SOS2: variants seen among roughly 807,000 people sequenced by gnomAD.
SOS2 encodes the protein son of sevenless homolog 2.
In SOS2, 65 loss-of-function variants were observed where a neutral mutation model predicts 148.2. The ratio of observed to expected loss-of-function variants is 0.44; its 90% CI spans 0.36 to 0.54. The LOEUF is 0.54. SOS2 is among the 20% of genes least tolerant of loss of function. The pLI, the probability that SOS2 is intolerant of heterozygous loss-of-function variation, is 0.00. For synonymous variants in SOS2, 539 were observed against 537.1 expected (o/e 1.00, Z -0.05); for missense variants, 1,341 against 1,590.2 (o/e 0.84, Z 2.67).
intron 1 of SOS2, among the ~76,000 whole-genome samples, chr14:50,213,939 G>GT (rs1354884980): frequency 6.7e-6 from 1 of 149,848 alleles, no homozygotes; most frequent in Non-Finnish European, 1.5e-5. Flanking sequence ...CTTACCCTCC[G>GT]TGGTAGGAAG....
intron 8 of SOS2, among the ~76,000 whole-genome samples, chr14:50,171,267 C>G (rs1197330633): frequency 6.6e-6 from 1 of 152,098 alleles, no homozygotes; most frequent in African/African-American, 2.4e-5. Context: ...GATAACATTA[C>G]CATACGATCC....
chr14:50,146,414 C>T (rs1054280509), intron 14 of SOS2, among the ~76,000 whole-genome samples: 9 of 152,072 alleles, frequency 5.9e-5, no homozygotes, highest in Admixed American at 3.3e-4. Flanking sequence ...GAGGCTGAGG[C>T]GGGCAGATCA....
chr14:50,145,442 C>T, intron 15 of SOS2, 35 bp downstream of exon 15: 1 of 1,584,684 alleles, frequency 6.3e-7, no homozygotes. Context: ...AATATTATGG[C>T]TATTAGGAGG....
intron 18 of SOS2, among the ~76,000 whole-genome samples, chr14:50,136,971 A>G (rs1884102199): frequency 6.6e-6 from 1 of 152,136 alleles, no homozygotes; most frequent in African/African-American, 2.4e-5. Context: ...GGAACAAAGA[A>G]GTTTCTATCT....
At chr14:50,216,221 C>A (rs1410309364) in intron 1 of SOS2, among the ~76,000 whole-genome samples, 3 of 151,658 alleles carry the variant, frequency 2.0e-5, no homozygotes, top group African/African-American at 7.3e-5. Flanking sequence ...CTCAGCCTCC[C>A]AAGTAGCTGG....
chr14:50,157,956 T>C (rs1247815214), intron 11 of SOS2, among the ~76,000 whole-genome samples: 1 of 152,158 alleles, frequency 6.6e-6, no homozygotes, highest in Non-Finnish European at 1.5e-5. Context: ...AATAATGATA[T>C]CTGATTATTA....
chr14:50,215,115 C>T (rs908302794), intron 1 of SOS2, among the ~76,000 whole-genome samples: 4 of 151,918 alleles, frequency 2.6e-5, no homozygotes, highest in African/African-American at 7.3e-5. Flanking sequence ...GGATTACAGG[C>T]GTGAGCCACC....
At chr14:50,158,696 AATT>A (rs781593878) in intron 10 of SOS2, 50 bp from the exon 11 acceptor site, 10 of 1,186,396 alleles carry the variant, frequency 8.4e-6, no homozygotes, top group Non-Finnish European at 1.2e-5. Context: ...TATTCAGTTT[AATT>A]AACTCAAAGT....
Position 50,118,709 on chromosome 14 carries a change from G to C in SOS2, c.3634C>G (p.Leu1212Val). 2 of 1,613,900 alleles carry C rather than the reference G, an allele frequency of 1.2e-6. No homozygotes were observed. The highest frequency in any genetic ancestry group is 1.7e-6 in the Non-Finnish European group (2 of 1,179,986). The stretch of plus-strand genomic sequence containing the variant: ...GGAACTGGTGGAGGGGTATCAGGAA[G>C]AGGATCTCTTGGTGGTGGCGGAGGT... Reference protein sequence around the residue: ...SPPPPPPRDPLPDTPPPVPLR... With the variant: ...SPPPPPPRDPVPDTPPPVPLR... Residue 1212 changes from leucine to valine, a missense_variant, in exon 23 of 23, where the codon CTT becomes GTT. Leu to Val is a conservative substitution (Grantham distance 32). This residue lies in a region of SOS2 where 354 missense variants were observed against 347.7 expected (regional missense o/e 1.02). Coordinates refer to ENST00000216373, the MANE Select transcript of SOS2 (RefSeq NM_006939.4).
chr14:50,178,486 C>CA (rs1336538006), intron 7 of SOS2, among the ~76,000 whole-genome samples: 1 of 151,478 alleles, frequency 6.6e-6, no homozygotes, highest in Non-Finnish European at 1.5e-5. Context: ...TTTGTTGAGA[C>CA]AGAGTCTCAC....
chr14:50,149,302 A>T (rs1884588653), intron 14 of SOS2, among the ~76,000 whole-genome samples: 1 of 152,236 alleles, frequency 6.6e-6, no homozygotes, highest in Admixed American at 6.5e-5. Context: ...TACACAGTGG[A>T]ACACTATTCG....
intron 1 of SOS2, among the ~76,000 whole-genome samples, chr14:50,218,405 C>G (rs899418473): frequency 4.0e-4 from 60 of 151,862 alleles, no homozygotes; most frequent in African/African-American, 1.4e-3. Context: ...TGCCTGCAAT[C>G]CCAGCTACTT....
At position 50,180,701 on chromosome 14, in the gene SOS2, A is replaced by T. The variant is rs1435577590; in HGVS notation, c.859-19T>A. The T allele has an allele frequency of 4.5e-6, 6 of 1,323,156 alleles. No homozygotes were observed. The South Asian group carries it at 6.2e-5, about 14-fold the overall frequency. The allele number at this position is 1,323,156 out of a possible 1,614,324, so 82.0% of individuals were successfully genotyped here. On this transcript the variant is annotated intron_variant, in intron 6 of 22. Coordinates refer to ENST00000216373, the MANE Select transcript of SOS2 (RefSeq NM_006939.4). Reference sequence around the variant, plus strand: ...CTTGCTCCTATTTTTTTAAAAAGAGAAAAAGCATTAGGTTTAAAAGAATAT... The same window carrying T: ...CTTGCTCCTATTTTTTTAAAAAGAGTAAAAGCATTAGGTTTAAAAGAATAT...
chr14:50,135,887 A>T (rs921403380), intron 18 of SOS2, among the ~76,000 whole-genome samples: 4 of 151,624 alleles, frequency 2.6e-5, no homozygotes, highest in Non-Finnish European at 5.9e-5. Flanking sequence ...CTATATATAA[A>T]TTTTTCTGTA....
chr14:50,220,405 C>CAAAAAAAAAAAAAAAAAAAAAAAA (rs367829144), intron 1 of SOS2, among the ~76,000 whole-genome samples: 2 of 30,446 alleles, frequency 6.6e-5, no homozygotes, highest in African/African-American at 1.4e-4. Flanking sequence ...GACTCCATCT[C>CAAAAAAAAAAAAAAAAAAAAAAAA]AAAAAAAAAA....
chr14:50,207,651 T>A (rs1178236323), intron 1 of SOS2, among the ~76,000 whole-genome samples: 1 of 151,602 alleles, frequency 6.6e-6, no homozygotes, highest in Non-Finnish European at 1.5e-5. Context: ...TGGCTCGTAA[T>A]CCCAGCACTT....
chr14:50,154,655 T>C (rs1017477221), intron 12 of SOS2, among the ~76,000 whole-genome samples: 1 of 152,172 alleles, frequency 6.6e-6, no homozygotes, highest in African/African-American at 2.4e-5. Context: ...AATAAGCCAT[T>C]GATACAAATT....
rs761930547 is a variant in SOS2 at position 50,153,116 on chromosome 14, G to A, written c.2115C>T (p.Asp705=). 16 of 1,604,710 alleles carry A rather than the reference G, an allele frequency of 1.0e-5. No homozygotes were observed. Among genetic ancestry groups the A allele is most frequent in the African/African-American group, 4.0e-5 (3 of 74,638 alleles). Residue 705 remains aspartate (D), a synonymous_variant, in exon 13 of 23, where the codon GAC becomes GAT. Transcript: ENST00000216373. The part of the protein sequence containing the change: ...VEHHFYDFER[D]LELLERLESF... ...ATTCTAGTCTTTCAAGCAATTCCAA[G>A]TCTCTTTCAAAGTCATAAAAATGAT...
chr14:50,165,767 A>C (rs1885144776), intron 8 of SOS2, among the ~76,000 whole-genome samples: 1 of 152,186 alleles, frequency 6.6e-6, no homozygotes, highest in East Asian at 1.9e-4. Context: ...TAGACCAATA[A>C]TGAATGTTTT....
Sources: allele counts gnomAD v4.1 joint callset (sites outside exome capture counted in the v4.1 genomes callset), GRCh38; gene constraint gnomAD v4.1.1; regional missense constraint gnomAD v4.1.1; transcripts MANE v1.5; gene names NCBI Gene and HGNC (gene_info 2026-07-23, HGNC 2026-07-21).